Variants in TRAF6 observed in about 807,000 individuals in gnomAD.
The protein encoded by TRAF6 is TNF receptor associated factor 6.
TRAF6 carries 10 observed loss-of-function variants against 48.4 expected under a neutral mutation model. The observed-to-expected ratio is 0.21, with a 90% CI of 0.13 to 0.35. The LOEUF is 0.35. Among genes scored for constraint, TRAF6 ranks in the 10% least tolerant of loss-of-function variants. TRAF6 has a pLI of 1.00. For missense variants in TRAF6, 397 were observed against 661.0 expected (o/e 0.60, Z 4.38); for synonymous variants, 186 against 219.6 (o/e 0.85, Z 1.35).
chr11:36,503,817 G>A (rs1295828211), intron 1 of TRAF6, among the ~76,000 whole-genome samples: 1 of 152,024 alleles, frequency 6.6e-6, no homozygotes, highest in African/African-American at 2.4e-5. Context: ...CTACACTAGG[G>A]TATATATCCT....
In TRAF6 at chr11:36,495,061, G is replaced by C. The variant is rs1233466361; in HGVS notation, c.607-14C>G. On this transcript the variant is annotated splice_polypyrimidine_tract_variant and intron_variant, in intron 4 of 6. Coordinates refer to ENST00000526995, the MANE Select transcript of TRAF6 (RefSeq NM_004620.4). ...CTGGTCATGGATCTGAATTTTATTAGAGAAATATAATTAAAGCATGAGAAT... is the reference window on the plus strand; with the variant it reads ...CTGGTCATGGATCTGAATTTTATTACAGAAATATAATTAAAGCATGAGAAT... The C allele has an allele frequency of 1.3e-6, 2 of 1,569,260 alleles. No homozygotes were observed. The highest frequency in any genetic ancestry group is 1.7e-6 in the Non-Finnish European group (2 of 1,147,564).
intron 1 of TRAF6, among the ~76,000 whole-genome samples, chr11:36,509,619 G>A (rs995371111): frequency 1.3e-5 from 2 of 152,168 alleles, no homozygotes; most frequent in Non-Finnish European, 2.9e-5. Context: ...GGGAAAAAGC[G>A]GAGTTGAGGG....
In TRAF6 at chr11:36,497,298, G is replaced by A. The variant is rs757017241; in HGVS notation, c.448-32C>T. On this transcript the variant is annotated intron_variant, in intron 3 of 6. Transcript: ENST00000526995. ...TTAAAAAAATAATGGATTAGCATTA[G>A]CCAACTCTGAAGTCTTCTACATATA... 31 of 1,592,604 alleles carry A rather than the reference G, an allele frequency of 1.9e-5. 1 individual carries two copies. In the African/African-American group the frequency reaches 3.8e-4, roughly 20 times the overall value.
rs554051273 is a variant in TRAF6, at chr11:36,487,028, T to C, written c.*2810A>G. 1 of 151,276 alleles carries C rather than the reference T, an allele frequency of 6.6e-6. No individual in the cohort carries two copies. Among genetic ancestry groups the C allele is most frequent in the Non-Finnish European group, 1.5e-5 (1 of 68,002 alleles). The allele number at this position is 151,276 out of a possible 1,614,324, so 9.4% of individuals were successfully genotyped here. A position where few individuals can be genotyped will look rare whatever the true frequency, so the allele number is the denominator to read the frequency against. On this transcript the variant is annotated 3_prime_UTR_variant, in exon 7 of 7. Coordinates refer to ENST00000526995, the MANE Select transcript of TRAF6 (RefSeq NM_004620.4). ...ATGGCTTGAGCCCGGGAGGTGGAGGTTGCAGTGAGCCGAGGTTGCACCACT... is the reference window on the plus strand; with the variant it reads ...ATGGCTTGAGCCCGGGAGGTGGAGGCTGCAGTGAGCCGAGGTTGCACCACT...
intron 3 of TRAF6, among the ~76,000 whole-genome samples, chr11:36,498,057 G>C (rs1236985675): frequency 6.6e-6 from 1 of 151,908 alleles, no homozygotes; most frequent in Admixed American, 6.6e-5. Flanking sequence ...GCTAATTTTT[G>C]TATTTTTAGT....
intron 1 of TRAF6, among the ~76,000 whole-genome samples, chr11:36,505,325 G>A (rs890695839): frequency 6.6e-6 from 1 of 152,224 alleles, no homozygotes; most frequent in Admixed American, 6.5e-5. Flanking sequence ...TCTAGATAAT[G>A]TGCTGTAGTT....
chr11:36,487,215 G>C lies in TRAF6; in HGVS notation c.*2623C>G, dbSNP rs1859497744. ...AGATAAATATGGTAAAAGGTGGTTA[G>C]TAACATACAACATAAAGCCCAAAGG... On this transcript the variant is annotated 3_prime_UTR_variant, in exon 7 of 7. Coordinates refer to ENST00000526995, the MANE Select transcript of TRAF6 (RefSeq NM_004620.4). 1 of 152,210 alleles carries C rather than the reference G, an allele frequency of 6.6e-6. No individual in the cohort carries two copies. Among genetic ancestry groups the C allele is most frequent in the African/African-American group, 2.4e-5 (1 of 41,456 alleles). The allele number at this position is 152,210 out of a possible 1,614,324, so 9.4% of individuals were successfully genotyped here.
chr11:36,508,030 A>AT (rs1166359617), intron 1 of TRAF6, among the ~76,000 whole-genome samples: 1 of 150,834 alleles, frequency 6.6e-6, no homozygotes, highest in African/African-American at 2.4e-5. Flanking sequence ...TAATTTTTGT[A>AT]TTTTTTTGTA....
chr11:36,500,507 G>A (rs1337676096), intron 2 of TRAF6, among the ~76,000 whole-genome samples: 1 of 152,140 alleles, frequency 6.6e-6, no homozygotes, highest in Non-Finnish European at 1.5e-5. Context: ...GGTCTTATAA[G>A]GATTTTAGCT....
intron 1 of TRAF6, among the ~76,000 whole-genome samples, chr11:36,503,564 G>C (rs1046348638): frequency 6.6e-6 from 1 of 152,104 alleles, no homozygotes; most frequent in Non-Finnish European, 1.5e-5. Context: ...ATTAAGGCAC[G>C]AACCCCCGAG....
chr11:36,506,637 C>G (rs1389861291), intron 1 of TRAF6, among the ~76,000 whole-genome samples: 1 of 152,128 alleles, frequency 6.6e-6, no homozygotes, highest in East Asian at 1.9e-4. Flanking sequence ...GTCTTTAGGT[C>G]TGAAGAGACC....
At chr11:36,507,157 CATGT>C (rs1211050688) in intron 1 of TRAF6, among the ~76,000 whole-genome samples, 1 of 129,788 alleles carries the variant, frequency 7.7e-6, no homozygotes, top group African/African-American at 2.9e-5. Context: ...TGTATATATA[CATGT>C]ATTATACATA....
intron 4 of TRAF6, 140 bp from the exon 5 acceptor site, chr11:36,495,187 G>A: frequency 1.7e-6 from 1 of 597,328 alleles, no homozygotes; most frequent in Non-Finnish European, 3.0e-6. Context: ...GTGAAAGTGA[G>A]AGTAATATAT....
At chr11:36,506,270 TA>T (rs1321787041) in intron 1 of TRAF6, among the ~76,000 whole-genome samples, 2 of 152,116 alleles carry the variant, frequency 1.3e-5, no homozygotes, top group Non-Finnish European at 2.9e-5. Flanking sequence ...GATCAGAGGG[TA>T]TGTAACTTTT....
intron 5 of TRAF6, among the ~76,000 whole-genome samples, chr11:36,493,488 CCATACACAAGA>C (rs1859590223): frequency 6.6e-6 from 1 of 152,170 alleles, no homozygotes; most frequent in South Asian, 2.1e-4. Context: ...ACAAAAGTAG[CCATACACAAGA>C]CATACACACA....
rs1465105789 is a variant in TRAF6, at chr11:36,484,021, A to G, written c.*5817T>C. On this transcript the variant is annotated 3_prime_UTR_variant, in exon 7 of 7. Coordinates refer to ENST00000526995, the MANE Select transcript of TRAF6 (RefSeq NM_004620.4). ...TTGAGATAAGTGTGAATCCACATTC[A>G]CAACCTGGGTTGAGAAAGGTCACAC... Among the ~76,000 whole-genome samples the G allele has an allele frequency of 6.6e-6, 1 of 152,206 alleles. No individual in the cohort carries two copies. Among genetic ancestry groups the G allele is most frequent in the Non-Finnish European group, 1.5e-5 (1 of 68,038 alleles).
In TRAF6 at chr11:36,483,923, C is replaced by A. The variant is rs892350354; in HGVS notation, c.*5915G>T. ...AATTAATATTCAAAAAGGTGCCATTCAAGGAACACTTTTGGTCATACCTTG... is the reference window on the plus strand; with the variant it reads ...AATTAATATTCAAAAAGGTGCCATTAAAGGAACACTTTTGGTCATACCTTG... On this transcript the variant is annotated 3_prime_UTR_variant, in exon 7 of 7. Coordinates refer to ENST00000526995, the MANE Select transcript of TRAF6 (RefSeq NM_004620.4). Among the ~76,000 whole-genome samples the A allele has an allele frequency of 1.3e-5, 2 of 152,122 alleles. No homozygotes were observed. Among genetic ancestry groups the A allele is most frequent in the African/African-American group, 4.8e-5 (2 of 41,418 alleles).
chr11:36,501,745 A>G (rs12276301), intron 1 of TRAF6: 153 of 335,498 alleles, frequency 4.6e-4, no homozygotes, highest in African/African-American at 2.4e-3. Flanking sequence ...ATAAATATAT[A>G]TATTATTATT....
chr11:36,486,337 C>T lies in TRAF6; in HGVS notation c.*3501G>A, dbSNP rs577904118. Among the ~76,000 whole-genome samples, 2 of 152,220 alleles carry T rather than the reference C, an allele frequency of 1.3e-5. No homozygotes were observed. Among genetic ancestry groups the T allele is most frequent in the South Asian group, 2.1e-4 (1 of 4,824 alleles). ...TATAGGCGTGAGCCACCGTGCCCAGCCTAATAGTATTTTATATAAAATAAT... is the reference window on the plus strand; with the variant it reads ...TATAGGCGTGAGCCACCGTGCCCAGTCTAATAGTATTTTATATAAAATAAT... On this transcript the variant is annotated 3_prime_UTR_variant, in exon 7 of 7. Transcript: ENST00000526995.
Sources: allele counts gnomAD v4.1 joint callset (sites outside exome capture counted in the v4.1 genomes callset), GRCh38; gene constraint gnomAD v4.1.1; transcripts MANE v1.5; gene names NCBI Gene and HGNC (gene_info 2026-07-23, HGNC 2026-07-21).